AVP: variants seen among roughly 807,000 people sequenced by gnomAD.
The protein encoded by AVP is arginine vasopressin, also known as vasopressin-neurophysin 2-copeptin.
Under a neutral mutation model 11.1 loss-of-function variants are expected in AVP, and 9 were observed. The ratio of observed to expected loss-of-function variants is 0.81; its 90% confidence interval spans 0.49 to 1.42. AVP has a LOEUF of 1.42. AVP is among the 40% of genes most tolerant of loss of function. The pLI is 0.00. For missense variants in AVP, 206 were observed against 238.5 expected (o/e 0.86, Z 0.90); for synonymous variants, 106 against 111.3 (o/e 0.95, Z 0.30).
At position 3,082,567 on chromosome 20, in the gene AVP, A is replaced by C; in HGVS notation, c.*63T>G. On this transcript the variant is annotated 3_prime_UTR_variant, in exon 3 of 3. Coordinates refer to ENST00000380293, the MANE Select transcript of AVP (RefSeq NM_000490.5). The surrounding 1 kb of genome is among the most constrained non-coding windows in gnomAD (Gnocchi z 4.7). ...CAGACGCGAGGCCGTGCATTGGCGGAGGTTTATTGTCCGTGCTGCAGGGGC... is the reference window on the plus strand; with the variant it reads ...CAGACGCGAGGCCGTGCATTGGCGGCGGTTTATTGTCCGTGCTGCAGGGGC... 8.2e-7 allele frequency: 1 copy of C among 1,214,840 alleles called. No homozygotes were observed. Among genetic ancestry groups the C allele is most frequent in the East Asian group, 3.3e-5 (1 of 30,434 alleles). The allele number at this position is 1,214,840 out of a possible 1,614,324, so 75.3% of individuals were successfully genotyped here. A position where few individuals can be genotyped will look rare whatever the true frequency, so the allele number is the denominator to read the frequency against.
rs2066117454 is a variant in AVP at position 3,082,866 on chromosome 20, C to G, written c.323-64G>C. 1.6e-6 allele frequency: 2 copies of G among 1,225,198 alleles called. No individual in the cohort carries two copies. The highest frequency in any genetic ancestry group is 4.4e-5 in the Admixed American group (1 of 22,646). The allele number at this position is 1,225,198 out of a possible 1,614,324, so 75.9% of individuals were successfully genotyped here. A position where few individuals can be genotyped will look rare whatever the true frequency, so the allele number is the denominator to read the frequency against. On this transcript the variant is annotated intron_variant, in intron 2 of 2. Transcript: ENST00000380293. This position sits in a 1 kb window ranked among gnomAD's most constrained non-coding sequence, Gnocchi z 4.7. Reference sequence around the variant, plus strand: ...GGCGCAGCTCGGGGTGCGGGGGGCCCACACCCTCCCTGCCGGGCCCGACGC... The same window carrying G: ...GGCGCAGCTCGGGGTGCGGGGGGCCGACACCCTCCCTGCCGGGCCCGACGC...
At position 3,084,448 on chromosome 20, in the gene AVP, C is replaced by T. The variant is rs759166800; in HGVS notation, c.120+107G>A. 8.2e-6 allele frequency: 13 copies of T among 1,584,344 alleles called. No individual in the cohort carries two copies. In the Admixed American group the frequency reaches 1.2e-4, roughly 14 times the overall value. On this transcript the variant is annotated intron_variant, in intron 1 of 2. Transcript: ENST00000380293. ...CCTCCCTCTTCCTCCCCCGAACTTC[C>T]CCTAAAGGCTACCACCACCCATGAC...
Position 3,083,123 on chromosome 20 carries a change from C to T in AVP, c.176G>A (p.Cys59Tyr). The T allele has an allele frequency of 6.5e-7, 1 of 1,536,634 alleles. No individual in the cohort carries two copies. Among genetic ancestry groups the T allele is most frequent in the Non-Finnish European group, 8.7e-7 (1 of 1,151,064 alleles). ...KGRCFGPSIC[C>Y]ADELGCFVGT... Reference sequence around the variant, plus strand: ...CACGAAGCAGCCCAGCTCGTCCGCGCAGCAGATGCTGGGCCCGAAGCAGCG... The same window carrying T: ...CACGAAGCAGCCCAGCTCGTCCGCGTAGCAGATGCTGGGCCCGAAGCAGCG... Residue 59 changes from cysteine to tyrosine, a missense_variant, in exon 2 of 3, where the codon TGC (cysteine) becomes TAC (tyrosine). Transcript: ENST00000380293. This position sits in a 1 kb window ranked among gnomAD's most constrained non-coding sequence, Gnocchi z 5.4.
chr20:3,082,918 T>TCCCCC lies in AVP; in HGVS notation c.322+54_322+58dup. 2.1e-6 allele frequency: 1 copy of TCCCCC among 476,030 alleles called. No individual in the cohort carries two copies. 29.5% of individuals were successfully genotyped at this position (476,030 alleles called of 1,614,324 possible). A position where few individuals can be genotyped will look rare whatever the true frequency, so the allele number is the denominator to read the frequency against. ...GCCCCCACCCCGCCGCAGGCCCGCG[T>TCCCCC]CCCCCCCACCCAAGCGGTCTGCGCC... On this transcript the variant is annotated intron_variant, in intron 2 of 2. Transcript: ENST00000380293. The surrounding 1 kb of genome is among the most constrained non-coding windows in gnomAD (Gnocchi z 4.7).
In AVP at chr20:3,084,580, G is replaced by T. The variant is rs1384371077; in HGVS notation, c.95C>A (p.Ala32Asp). ...CTGTCTCAGCTCCAGGTCGGACATG[G>T]CCCTCTTGCCGCCCCTCGGGCAGTT... is the stretch of plus-strand genomic sequence containing the variant. Reference protein sequence around the residue: ...FQNCPRGGKRAMSDLELRQCL... With the variant: ...FQNCPRGGKRDMSDLELRQCL... Residue 32 changes from alanine to aspartate, a missense_variant, in exon 1 of 3, where the codon GCC becomes GAC. Physicochemically the swap from Ala to Asp is moderately radical, Grantham distance 126. This residue lies in a region of AVP where 100 missense variants were observed against 149.3 expected (regional missense o/e 0.67). Transcript: ENST00000380293. The T allele has an allele frequency of 1.1e-5, 17 of 1,613,928 alleles. No individual in the cohort carries two copies. The highest frequency in any genetic ancestry group is 1.4e-5 in the Non-Finnish European group (16 of 1,180,048).
In AVP at chr20:3,082,761, G is replaced by A; in HGVS notation, c.364C>T (p.Arg122Cys). ...TEPECREGFH[R>C]RARASDRSNA... ...CTCCGGTCGCTGGCGCGGGCGCGGC[G>A]GTGAAAGCCCTCGCGGCACTCGGGC... The change falls in exon 3 of 3, where the codon CGC (arginine) becomes TGC (cysteine). Residue 122 changes from arginine (R) to cysteine (C), a missense_variant. This residue lies in a region of AVP where 106 missense variants were observed against 89.2 expected (regional missense o/e 1.19). Coordinates refer to ENST00000380293, the MANE Select transcript of AVP (RefSeq NM_000490.5). The surrounding 1 kb of genome is among the most constrained non-coding windows in gnomAD (Gnocchi z 4.7). 1.6e-6 allele frequency: 2 copies of A among 1,270,268 alleles called. No individual in the cohort carries two copies. The highest frequency in any genetic ancestry group is 2.0e-6 in the Non-Finnish European group (2 of 1,010,378). The allele number at this position is 1,270,268 out of a possible 1,614,324, so 78.7% of individuals were successfully genotyped here. A position where few individuals can be genotyped will look rare whatever the true frequency, so the allele number is the denominator to read the frequency against.
At position 3,082,705 on chromosome 20, in the gene AVP, C is replaced by T; in HGVS notation, c.420G>A (p.Gly140=). The T allele has an allele frequency of 7.7e-7, 1 of 1,290,340 alleles. No individual in the cohort carries two copies. Among genetic ancestry groups the T allele is most frequent in the Non-Finnish European group, 9.8e-7 (1 of 1,022,110 alleles). The allele number at this position is 1,290,340 out of a possible 1,614,324, so 79.9% of individuals were successfully genotyped here. ...GCTGCACCAGCCGCAGCAGCAAGGCCCCGGCCGGCCCGTCCAGCTGCGTGG... is the reference window on the plus strand; with the variant it reads ...GCTGCACCAGCCGCAGCAGCAAGGCTCCGGCCGGCCCGTCCAGCTGCGTGG... ...SNATQLDGPA[G]ALLLRLVQLA... The change falls in exon 3 of 3, where the codon GGG becomes GGA. Residue 140 remains glycine, a synonymous_variant. Transcript: ENST00000380293. This position sits in a 1 kb window ranked among gnomAD's most constrained non-coding sequence, Gnocchi z 4.7.
rs778465292 is a variant in AVP, at chr20:3,084,634, A to T, written c.41T>A (p.Leu14Gln). The change falls in exon 1 of 3, where the codon CTG becomes CAG. Residue 14 changes from leucine (L) to glutamine (Q), a missense_variant. Physicochemically the swap from Leu to Gln is moderately radical, Grantham distance 113. Transcript: ENST00000380293. ...GAAGTAGCACGCGGAGGAGAAGGCC[A>T]GTAGGCCGAGGAAGCAGGCGGGCAG... ...TMLPACFLGLLAFSSACYFQN... is the reference protein window; with the variant it reads ...TMLPACFLGLQAFSSACYFQN... 6.2e-7 allele frequency: 1 copy of T among 1,613,820 alleles called. No homozygotes were observed. The highest frequency in any genetic ancestry group is 8.5e-7 in the Non-Finnish European group (1 of 1,180,042).
Position 3,082,915 on chromosome 20 carries a change from G to A in AVP, c.322+62C>T. The A allele has an allele frequency of 4.5e-6, 2 of 446,956 alleles. No homozygotes were observed. The highest frequency in any genetic ancestry group is 6.1e-6 in the Non-Finnish European group (2 of 326,080). The allele number at this position is 446,956 out of a possible 1,614,324, so 27.7% of individuals were successfully genotyped here. A position where few individuals can be genotyped will look rare whatever the true frequency, so the allele number is the denominator to read the frequency against. Reference sequence around the variant, plus strand: ...GCAGCCCCCACCCCGCCGCAGGCCCGCGTCCCCCCCACCCAAGCGGTCTGC... The same window carrying A: ...GCAGCCCCCACCCCGCCGCAGGCCCACGTCCCCCCCACCCAAGCGGTCTGC... On this transcript the variant is annotated intron_variant, in intron 2 of 2. Coordinates refer to ENST00000380293, the MANE Select transcript of AVP (RefSeq NM_000490.5). The surrounding 1 kb of genome is among the most constrained non-coding windows in gnomAD (Gnocchi z 4.7).
In AVP at chr20:3,083,905, C is replaced by G. The variant is rs1406984198; in HGVS notation, c.120+650G>C. 1.3e-5 allele frequency among the ~76,000 whole-genome samples: 2 copies of G among 152,236 alleles called. No individual in the cohort carries two copies. Among genetic ancestry groups the G allele is most frequent in the East Asian group, 3.9e-4 (2 of 5,194 alleles). On this transcript the variant is annotated intron_variant, in intron 1 of 2. Coordinates refer to ENST00000380293, the MANE Select transcript of AVP (RefSeq NM_000490.5). This position sits in a 1 kb window ranked among gnomAD's most constrained non-coding sequence, Gnocchi z 5.4. The stretch of plus-strand genomic sequence containing the variant: ...CTGGCGCAATGGATAGCGCATTAGA[C>G]TTTTAGCTGAGCCTGGTGTGGTCTA...
At position 3,082,947 on chromosome 20, in the gene AVP, C is replaced by CA. The variant is rs763810447; in HGVS notation, c.322+29_322+30insT. 43 of 1,346,722 alleles carry CA rather than the reference C, an allele frequency of 3.2e-5. No homozygotes were observed. The highest frequency in any genetic ancestry group is 3.5e-5 in the Non-Finnish European group (37 of 1,050,938). 83.4% of individuals were successfully genotyped at this position (1,346,722 alleles called of 1,614,324 possible). On this transcript the variant is annotated intron_variant, in intron 2 of 2. Transcript: ENST00000380293. This position sits in a 1 kb window ranked among gnomAD's most constrained non-coding sequence, Gnocchi z 4.7. ...CCCCACCCAAGCGGTCTGCGCCCCC[C>CA]CCAGCCCCAGGCCCGCCCCCGCCGC...
In AVP at chr20:3,082,947, C is replaced by CG. The variant is rs763810447; in HGVS notation, c.322+29_322+30insC. ...CCCCACCCAAGCGGTCTGCGCCCCCCCCAGCCCCAGGCCCGCCCCCGCCGC... is the reference window on the plus strand; with the variant it reads ...CCCCACCCAAGCGGTCTGCGCCCCCCGCCAGCCCCAGGCCCGCCCCCGCCGC... On this transcript the variant is annotated intron_variant, in intron 2 of 2. Transcript: ENST00000380293. This position sits in a 1 kb window ranked among gnomAD's most constrained non-coding sequence, Gnocchi z 4.7. 5.7e-5 allele frequency: 77 copies of CG among 1,346,722 alleles called. No individual in the cohort carries two copies. The Middle Eastern group carries it at 8.2e-4, about 14-fold the overall frequency. 83.4% of individuals were successfully genotyped at this position (1,346,722 alleles called of 1,614,324 possible).
Position 3,084,682 on chromosome 20 carries a change from C to T in AVP, c.-8G>A. 3 of 1,612,948 alleles carry T rather than the reference C, an allele frequency of 1.9e-6. No homozygotes were observed. Among genetic ancestry groups the T allele is most frequent in the Non-Finnish European group, 1.7e-6 (2 of 1,180,018 alleles). ...CAGCATGGTGTCAGGCATCCTGGTG[C>T]ACACAGGTGGACCCCGTATGCAGCA... On this transcript the variant is annotated 5_prime_UTR_variant, in exon 1 of 3. Transcript: ENST00000380293.
rs776428607 is a variant in AVP at position 3,082,742 on chromosome 20, T to TCGCTGG, written c.377_382dup (p.Ala126_Ser127dup). 7.8e-7 allele frequency: 1 copy of TCGCTGG among 1,279,606 alleles called. No homozygotes were observed. Among genetic ancestry groups the TCGCTGG allele is most frequent in the South Asian group, 2.5e-5 (1 of 39,414 alleles). 79.3% of individuals were successfully genotyped at this position (1,279,606 alleles called of 1,614,324 possible). On this transcript the variant is annotated inframe_insertion, in exon 3 of 3. Coordinates refer to ENST00000380293, the MANE Select transcript of AVP (RefSeq NM_000490.5). The surrounding 1 kb of genome is among the most constrained non-coding windows in gnomAD (Gnocchi z 4.7). ...GTCCAGCTGCGTGGCGTTGCTCCGGTCGCTGGCGCGGGCGCGGCGGTGAAA... is the reference window on the plus strand; with the variant it reads ...GTCCAGCTGCGTGGCGTTGCTCCGGTCGCTGGCGCTGGCGCGGGCGCGGCGGTGAAA...
rs1364645162 is a variant in AVP at position 3,083,635 on chromosome 20, G to A, written c.121-457C>T. 2.6e-5 allele frequency among the ~76,000 whole-genome samples: 4 copies of A among 151,960 alleles called. No homozygotes were observed. The highest frequency in any genetic ancestry group is 3.9e-4 in the East Asian group (2 of 5,176). On this transcript the variant is annotated intron_variant, in intron 1 of 2. Transcript: ENST00000380293. The surrounding 1 kb of genome is among the most constrained non-coding windows in gnomAD (Gnocchi z 5.4). ...AGAGGCCCTACCCATCCAGAACCCC[G>A]GCCCTTCCCATTTCCTGTCTCCTCT...
Position 3,083,286 on chromosome 20 carries a change from G to A in AVP, c.121-108C>T, listed in dbSNP as rs2066121211. On this transcript the variant is annotated intron_variant, in intron 1 of 2. Coordinates refer to ENST00000380293, the MANE Select transcript of AVP (RefSeq NM_000490.5). The surrounding 1 kb of genome is among the most constrained non-coding windows in gnomAD (Gnocchi z 5.4). ...GGGGTCCAGGGCTCGGAGTGCGGGCGGGACACCGGGGCTGCGGCTGCAGGC... is the reference window on the plus strand; with the variant it reads ...GGGGTCCAGGGCTCGGAGTGCGGGCAGGACACCGGGGCTGCGGCTGCAGGC... 1 of 1,195,908 alleles carries A rather than the reference G, an allele frequency of 8.4e-7. No individual in the cohort carries two copies. The highest frequency in any genetic ancestry group is 4.0e-5 in the Admixed American group (1 of 24,836). 74.1% of individuals were successfully genotyped at this position (1,195,908 alleles called of 1,614,324 possible).
chr20:3,083,858 C>A lies in AVP; in HGVS notation c.121-680G>T, dbSNP rs975675285. Among the ~76,000 whole-genome samples the A allele has an allele frequency of 2.6e-5, 4 of 152,224 alleles. No individual in the cohort carries two copies. Among genetic ancestry groups the A allele is most frequent in the Middle Eastern group, 3.2e-3 (1 of 316 alleles). On this transcript the variant is annotated intron_variant, in intron 1 of 2. Transcript: ENST00000380293. This position sits in a 1 kb window ranked among gnomAD's most constrained non-coding sequence, Gnocchi z 5.4. ...GCGGGGGTTGCCGAGCGGCCACTCTCATCTGCTCAACAGCCGGTTCTCTGG... is the reference window on the plus strand; with the variant it reads ...GCGGGGGTTGCCGAGCGGCCACTCTAATCTGCTCAACAGCCGGTTCTCTGG...
intron 1 of AVP, among the ~76,000 whole-genome samples, chr20:3,084,247 G>A (rs1300920818): frequency 6.6e-6 from 1 of 152,150 alleles, no homozygotes; most frequent in African/African-American, 2.4e-5. Flanking sequence ...AGGCCATGAT[G>A]CCCCGTTCTC....
chr20:3,083,190 G>A lies in AVP; in HGVS notation c.121-12C>T, dbSNP rs765509931. The A allele has an allele frequency of 1.4e-6, 2 of 1,467,956 alleles. No individual in the cohort carries two copies. Among genetic ancestry groups the A allele is most frequent in the Admixed American group, 2.3e-5 (1 of 43,594 alleles). 90.9% of individuals were successfully genotyped at this position (1,467,956 alleles called of 1,614,324 possible). A position where few individuals can be genotyped will look rare whatever the true frequency, so the allele number is the denominator to read the frequency against. ...CCGCAGGGGAGGCACTGCGGGGACGGGCGGGGTGAGCGGGAGGAGGGGAGC... is the reference window on the plus strand; with the variant it reads ...CCGCAGGGGAGGCACTGCGGGGACGAGCGGGGTGAGCGGGAGGAGGGGAGC... On this transcript the variant is annotated splice_polypyrimidine_tract_variant and intron_variant, in intron 1 of 2. Transcript: ENST00000380293. This position sits in a 1 kb window ranked among gnomAD's most constrained non-coding sequence, Gnocchi z 5.4.
Sources: allele counts gnomAD v4.1 joint callset (sites outside exome capture counted in the v4.1 genomes callset), GRCh38; gene constraint gnomAD v4.1.1; regional missense constraint gnomAD v4.1.1; non-coding constraint Gnocchi (gnomAD v3.1); transcripts MANE v1.5; gene names NCBI Gene and HGNC (gene_info 2026-07-23, HGNC 2026-07-21).